FNIP2: variants seen among roughly 807,000 people sequenced by gnomAD.
FNIP2 encodes folliculin interacting protein 2, also known as folliculin-interacting protein 2.
Under a neutral mutation model 108.7 loss-of-function variants are expected in FNIP2, and 32 were observed. The observed-to-expected ratio is 0.29, with a 90% CI of 0.22 to 0.40. The LOEUF is 0.40. Among genes scored for constraint, FNIP2 ranks in the 10% least tolerant of loss-of-function variants. The pLI is 1.00. For synonymous variants in FNIP2, 480 were observed against 496.7 expected (o/e 0.97, Z 0.45); for missense variants, 1,202 against 1,381.6 (o/e 0.87, Z 2.06).
chr4:158,807,656 T>C (rs1281847737), intron 1 of FNIP2, among the ~76,000 whole-genome samples: 1 of 152,156 alleles, frequency 6.6e-6, no homozygotes, highest in African/African-American at 2.4e-5. Context: ...CACGTAAAAA[T>C]CTTTGTCATT....
chr4:158,873,471 G>A (rs2126719514), intron 14 of FNIP2, among the ~76,000 whole-genome samples: 1 of 152,220 alleles, frequency 6.6e-6, no homozygotes, highest in African/African-American at 2.4e-5. Flanking sequence ...ATTCTCCCAA[G>A]TAGACAGGAT....
intron 14 of FNIP2, chr4:158,890,344 T>G (rs1381432677): frequency 5.4e-5 from 53 of 985,168 alleles, no homozygotes; most frequent in Non-Finnish European, 6.3e-5. Flanking sequence ...CTATTTTTCC[T>G]ACTATTCCCC....
At position 158,826,009 on chromosome 4, in the gene FNIP2, A is replaced by G. The variant is rs1778135313; in HGVS notation, c.201A>G (p.Lys67=). ...RRGRQVLFDS[K]AVQKIEEVTA... is the part of the protein sequence containing the mutation. Reference sequence around the variant, plus strand: ...GCAGACAAGTCTTGTTTGACTCTAAAGCTGTTCAAAAGATTGAGGAGGTGA... The same window carrying G: ...GCAGACAAGTCTTGTTTGACTCTAAGGCTGTTCAAAAGATTGAGGAGGTGA... Residue 67 remains lysine (K), a synonymous_variant, in exon 2 of 17, where the codon AAA becomes AAG. Transcript: ENST00000264433. 6.2e-7 allele frequency: 1 copy of G among 1,608,386 alleles called. No individual in the cohort carries two copies. The highest frequency in any genetic ancestry group is 1.3e-5 in the African/African-American group (1 of 74,870).
At chr4:158,857,277 C>A (rs1780038056) in intron 8 of FNIP2, among the ~76,000 whole-genome samples, 1 of 152,154 alleles carries the variant, frequency 6.6e-6, no homozygotes, top group African/African-American at 2.4e-5. Context: ...GCAAGCAAGC[C>A]TTATTGTAAT....
chr4:158,882,653 G>C lies in FNIP2; in HGVS notation c.2950-8793G>C, dbSNP rs569209929. 2.6e-5 allele frequency among the ~76,000 whole-genome samples: 4 copies of C among 152,374 alleles called. No individual in the cohort carries two copies. In the South Asian group the frequency reaches 8.3e-4, roughly 32 times the overall value. The stretch of plus-strand genomic sequence containing the variant: ...GAGACTCCATTTTGTTCTGTACTAA[G>C]AAAAATTCTTCTGCCTTGGGATGCT... On this transcript the variant is annotated intron_variant, in intron 14 of 16. Transcript: ENST00000264433.
rs2126704920 is a variant in FNIP2, at chr4:158,869,145, A to G, written c.2509A>G (p.Thr837Ala). Residue 837 changes from threonine to alanine, a missense_variant, in exon 13 of 17, where the codon ACT becomes GCT. Physicochemically the swap from Thr to Ala is moderately conservative, Grantham distance 58. Around this residue, in one of 5 missense-constraint regions of FNIP2, gnomAD observed 878 missense variants for 990.3 expected, o/e 0.89. Coordinates refer to ENST00000264433, the MANE Select transcript of FNIP2 (RefSeq NM_020840.3). ...GGTGGRRLEA[T>A]RGLYVKAAEG... Reference sequence around the variant, plus strand: ...AACGGGAGGGAGGAGGCTGGAGGCCACTAGAGGTTTGTATGTGAAGGCTGC... The same window carrying G: ...AACGGGAGGGAGGAGGCTGGAGGCCGCTAGAGGTTTGTATGTGAAGGCTGC... 6.2e-7 allele frequency: 1 copy of G among 1,614,004 alleles called. No homozygotes were observed. The highest frequency in any genetic ancestry group is 8.5e-7 in the Non-Finnish European group (1 of 1,179,888).
At chr4:158,890,303 A>C in intron 14 of FNIP2, 1 of 985,162 alleles carries the variant, frequency 1.0e-6, no homozygotes, top group Non-Finnish European at 1.2e-6. Flanking sequence ...AATAGGGAAA[A>C]ATATAAACCC....
chr4:158,828,752 C>T (rs1778296817), intron 2 of FNIP2, among the ~76,000 whole-genome samples: 2 of 152,166 alleles, frequency 1.3e-5, no homozygotes, highest in African/African-American at 4.8e-5. Context: ...TGGATTATGA[C>T]TCTACATAAT....
At chr4:158,770,054 G>A (rs1168168271) in intron 1 of FNIP2, among the ~76,000 whole-genome samples, 1 of 152,118 alleles carries the variant, frequency 6.6e-6, no homozygotes, top group Non-Finnish European at 1.5e-5. Context: ...CTGACAATGC[G>A]GTGAGGTGGG....
At chr4:158,883,418 T>C (rs796266934) in intron 14 of FNIP2, among the ~76,000 whole-genome samples, 1 of 152,290 alleles carries the variant, frequency 6.6e-6, no homozygotes, top group African/African-American at 2.4e-5. Context: ...ATTTTTTGTA[T>C]TTTTAGTAGA....
chr4:158,837,015 C>T (rs1372835557), intron 7 of FNIP2, among the ~76,000 whole-genome samples: 1 of 152,144 alleles, frequency 6.6e-6, no homozygotes, highest in Non-Finnish European at 1.5e-5. Context: ...TGAGTTCCAT[C>T]AGTTACTCAA....
intron 1 of FNIP2, among the ~76,000 whole-genome samples, chr4:158,812,599 A>C (rs148774378): frequency 1.3e-5 from 2 of 152,048 alleles, no homozygotes; most frequent in Non-Finnish European, 2.9e-5. Context: ...TTTTTCCTTC[A>C]AAAAAATTTT....
chr4:158,877,375 T>G (rs1173530602), intron 14 of FNIP2, among the ~76,000 whole-genome samples: 2 of 152,244 alleles, frequency 1.3e-5, no homozygotes, highest in Non-Finnish European at 2.9e-5. Flanking sequence ...ACTGTCTTCA[T>G]GTATACCTAC....
chr4:158,886,534 T>C (rs1007537203), intron 14 of FNIP2, among the ~76,000 whole-genome samples: 4 of 152,204 alleles, frequency 2.6e-5, no homozygotes, highest in Non-Finnish European at 5.9e-5. Context: ...CTCAGTGTGG[T>C]GTGGGCACTC....
intron 8 of FNIP2, among the ~76,000 whole-genome samples, chr4:158,856,966 T>C (rs1384447215): frequency 6.6e-6 from 1 of 152,208 alleles, no homozygotes; most frequent in Non-Finnish European, 1.5e-5. Flanking sequence ...AGAATGAAAC[T>C]CAGTTGATTT....
chr4:158,837,144 T>C (rs937709429), intron 7 of FNIP2, among the ~76,000 whole-genome samples: 3 of 152,202 alleles, frequency 2.0e-5, no homozygotes, highest in African/African-American at 7.2e-5. Flanking sequence ...TGGTTGACTT[T>C]CCTGGCAAGA....
In FNIP2 at chr4:158,817,461, T is replaced by C. The variant is rs528424750; in HGVS notation, c.108-8455T>C. On this transcript the variant is annotated intron_variant, in intron 1 of 16. Transcript: ENST00000264433. ...CTATTCTAAATCACACTGTGCACAT[T>C]TAATAGATAACTTGGGATTATAATA... 3.9e-5 allele frequency among the ~76,000 whole-genome samples: 6 copies of C among 152,344 alleles called. No individual in the cohort carries two copies. In the East Asian group the frequency reaches 1.2e-3, roughly 29 times the overall value.
chr4:158,815,544 A>G (rs1311403710), intron 1 of FNIP2, among the ~76,000 whole-genome samples: 1 of 151,874 alleles, frequency 6.6e-6, no homozygotes, highest in Non-Finnish European at 1.5e-5. Context: ...CACCACGCCC[A>G]GCTAATTTGA....
intron 1 of FNIP2, among the ~76,000 whole-genome samples, chr4:158,786,087 A>G (rs772996498): frequency 2.0e-5 from 3 of 152,152 alleles, no homozygotes; most frequent in Non-Finnish European, 2.9e-5. Context: ...CTTACTGTTT[A>G]TTCTCTTTAC....
Sources: gnomAD v4.1 joint callset for allele counts (sites outside exome capture counted in the v4.1 genomes callset) on GRCh38, gnomAD v4.1.1 for gene constraint, gnomAD v4.1.1 regional missense constraint, MANE v1.5 for transcripts, NCBI Gene and HGNC (gene_info 2026-07-23, HGNC 2026-07-21) for gene names.